The following WNT7B variants were observed in gnomAD, a reference collection of about 807,000 sequenced individuals.
WNT7B encodes Wnt family member 7B, also known as protein Wnt-7b.
WNT7B carries 19 observed loss-of-function variants against 38.2 expected under a neutral mutation model. The ratio of observed to expected loss-of-function variants is 0.50; its 90% CI spans 0.35 to 0.73. The LOEUF is 0.73. Among genes scored for constraint, WNT7B ranks in the 30% least tolerant of loss-of-function variants. WNT7B has a pLI of 0.01. For synonymous variants in WNT7B, 243 were observed against 209.3 expected, an observed-to-expected ratio of 1.16 and a Z score of -1.39; for missense variants, 423 against 507.9, an observed-to-expected ratio of 0.83 and a Z score of 1.61.
chr22:45,932,816 G>C (rs1360400091), intron 2 of WNT7B, among the ~76,000 whole-genome samples: 4 of 152,212 alleles, frequency 2.6e-5, no homozygotes, highest in African/African-American at 9.6e-5. Flanking sequence ...GCCCAGGAGA[G>C]GGCAGCTGGA....
In WNT7B at chr22:45,927,233, A is replaced by G. The variant is rs1033095451; in HGVS notation, c.570+3865T>C. Reference sequence around the variant, plus strand: ...GGGCACTGGGCACTCAGGTCTCCAAAACCTCAGGGGCTGCTCTGACAGTTT... The same window carrying G: ...GGGCACTGGGCACTCAGGTCTCCAAGACCTCAGGGGCTGCTCTGACAGTTT... On this transcript the variant is annotated intron_variant, in intron 3 of 3. Transcript: ENST00000339464. The G allele has an allele frequency of 5.1e-6, 5 of 985,248 alleles. No homozygotes were observed. The African/African-American group carries it at 8.7e-5, about 17-fold the overall frequency. 61.0% of individuals were successfully genotyped at this position (985,248 alleles called of 1,614,324 possible). A position where few individuals can be genotyped will look rare whatever the true frequency, so the allele number is the denominator to read the frequency against.
chr22:45,927,494 CTT>C lies in WNT7B; in HGVS notation c.570+3602_570+3603del, dbSNP rs777249363. On this transcript the variant is annotated intron_variant, in intron 3 of 3. Transcript: ENST00000339464. ...GTCTGCTCAGAGCCTCGGCAAGTGA[CTT>C]TATTTGGAAGTAGGGCCTTTACAGA... 2.2e-4 allele frequency: 343 copies of C among 1,549,654 alleles called. 4 individuals are homozygous for C. The South Asian group carries it at 2.6e-3, about 12-fold the overall frequency.
intron 2 of WNT7B, chr22:45,935,896 C>T (rs1380868571): frequency 1.0e-6 from 1 of 985,088 alleles, no homozygotes. Flanking sequence ...GAGGGCAGCA[C>T]GGATGCTCTG....
chr22:45,967,805 T>A (rs1028134724), intron 1 of WNT7B, among the ~76,000 whole-genome samples: 1 of 152,124 alleles, frequency 6.6e-6, no homozygotes, highest in Non-Finnish European at 1.5e-5. Flanking sequence ...GGAACAATAA[T>A]GTGCCGTCGG....
chr22:45,943,254 G>A (rs1931711128), intron 2 of WNT7B, among the ~76,000 whole-genome samples: 1 of 152,210 alleles, frequency 6.6e-6, no homozygotes, highest in Non-Finnish European at 1.5e-5. Context: ...CCCGGGCTCG[G>A]GCTGAGTCAG....
chr22:45,927,307 C>A (rs572770012), intron 3 of WNT7B: 1 of 985,310 alleles, frequency 1.0e-6, no homozygotes, highest in Admixed American at 6.1e-5. Flanking sequence ...CCCCGCCCCC[C>A]AGGGAGCTTG....
intron 1 of WNT7B, among the ~76,000 whole-genome samples, chr22:45,971,330 T>A (rs921583287): frequency 2.0e-5 from 3 of 152,136 alleles, no homozygotes; most frequent in Non-Finnish European, 4.4e-5. Context: ...AAACGGCGGT[T>A]CCATAAATGA....
chr22:45,952,722 G>A (rs1251059706), intron 1 of WNT7B, among the ~76,000 whole-genome samples: 1 of 152,218 alleles, frequency 6.6e-6, no homozygotes. Context: ...TGTGGACCCT[G>A]GGGGTGGCAA....
intron 1 of WNT7B, among the ~76,000 whole-genome samples, chr22:45,955,130 G>T (rs1394436773): frequency 6.6e-6 from 1 of 152,240 alleles, no homozygotes; most frequent in South Asian, 2.1e-4. Context: ...CATTCCAGGT[G>T]CACAGGCGGC....
chr22:45,929,801 C>CATCTACCCATTCATCT (rs1555907340), intron 3 of WNT7B, among the ~76,000 whole-genome samples: 1 of 143,322 alleles, frequency 7.0e-6, no homozygotes, highest in East Asian at 2.0e-4. Flanking sequence ...TCCACTCAAC[C>CATCTACCCATTCATCT]ATCTACCCAT....
chr22:45,957,697 A>AC (rs1932101794), intron 1 of WNT7B, among the ~76,000 whole-genome samples: 2 of 149,530 alleles, frequency 1.3e-5, no homozygotes, highest in African/African-American at 4.9e-5. Context: ...AAAAAAAAAA[A>AC]AAAAAAAAAA....
rs78929262 is a variant in WNT7B at position 45,945,672 on chromosome 22, C to A, written c.298+4248G>T. Among the ~76,000 whole-genome samples the A allele has an allele frequency of 6.8e-3, 1,032 of 152,326 alleles. 7 individuals are homozygous for A. The highest frequency in any genetic ancestry group is 0.023 in the African/African-American group (971 of 41,570). On this transcript the variant is annotated intron_variant, in intron 2 of 3. Transcript: ENST00000339464. ...TCACTGGGCCTGGCCTGCAAAGCCC[C>A]GCAGGGCGGCAGGTGCACCTGGCCC...
chr22:45,963,220 C>A (rs1365756861), intron 1 of WNT7B, among the ~76,000 whole-genome samples: 1 of 152,154 alleles, frequency 6.6e-6, no homozygotes, highest in Non-Finnish European at 1.5e-5. Flanking sequence ...AAGCAGGGGA[C>A]CCATTCTGGG....
intron 2 of WNT7B, among the ~76,000 whole-genome samples, chr22:45,939,374 T>C (rs1211556531): frequency 6.6e-6 from 1 of 152,122 alleles, no homozygotes; most frequent in Non-Finnish European, 1.5e-5. Flanking sequence ...CAGCCCAAGG[T>C]AGAAACAACC....
chr22:45,926,448 C>T, intron 3 of WNT7B: 3 of 985,404 alleles, frequency 3.0e-6, no homozygotes, highest in Non-Finnish European at 3.6e-6. Flanking sequence ...ATGTTCTTTC[C>T]AGAATAAGGG....
At chr22:45,927,714 G>C in intron 3 of WNT7B, 1 of 674,672 alleles carries the variant, frequency 1.5e-6, no homozygotes, top group East Asian at 2.8e-5. Context: ...TGGGCAACAT[G>C]GTGAAGCCCC....
intron 2 of WNT7B, among the ~76,000 whole-genome samples, chr22:45,938,737 G>A (rs1295115671): frequency 6.6e-6 from 1 of 152,136 alleles, no homozygotes; most frequent in African/African-American, 2.4e-5. Context: ...AACATGTTGT[G>A]TATTTCAGAA....
chr22:45,931,827 C>G (rs1931371125), intron 2 of WNT7B, among the ~76,000 whole-genome samples: 1 of 152,138 alleles, frequency 6.6e-6, no homozygotes, highest in Admixed American at 6.5e-5. Flanking sequence ...GGCATTTGCA[C>G]TGACCCCCGT....
At chr22:45,963,265 T>C (rs549163597) in intron 1 of WNT7B, among the ~76,000 whole-genome samples, 74 of 152,094 alleles carry the variant, frequency 4.9e-4, no homozygotes, top group Admixed American at 3.5e-3. Flanking sequence ...CACATCCCCC[T>C]CACCTTTCAA....
Sources: allele counts gnomAD v4.1 joint callset (sites outside exome capture counted in the v4.1 genomes callset), GRCh38; gene constraint gnomAD v4.1.1; transcripts MANE v1.5; gene names NCBI Gene and HGNC (gene_info 2026-07-23, HGNC 2026-07-21).